PHYHIPL: variants seen among roughly 807,000 people sequenced by gnomAD.
PHYHIPL encodes phytanoyl-CoA 2-hydroxylase interacting protein like.
In PHYHIPL, 9 loss-of-function variants were observed where a neutral mutation model predicts 33.4. That is an observed-to-expected ratio of 0.27 (90% confidence interval 0.16 to 0.47). PHYHIPL has a LOEUF of 0.47. Among genes scored for constraint, PHYHIPL ranks in the 20% least tolerant of loss-of-function variants. PHYHIPL has a pLI of 0.99. For synonymous variants in PHYHIPL, 153 were observed against 154.1 expected, an observed-to-expected ratio of 0.99 and a Z score of 0.05; for missense variants, 365 against 460.7, an observed-to-expected ratio of 0.79 and a Z score of 1.90.
At chr10:59,238,514 T>C in intron 3 of PHYHIPL, 74 bp from the exon 4 acceptor site, 1 of 758,156 alleles carries the variant, frequency 1.3e-6, no homozygotes, top group Non-Finnish European at 2.2e-6. Flanking sequence ...TTTAATAATC[T>C]TCAATTTATT....
At chr10:59,178,622 A>G (rs1229442683) in intron 1 of PHYHIPL, among the ~76,000 whole-genome samples, 5 of 152,178 alleles carry the variant, frequency 3.3e-5, no homozygotes, top group Non-Finnish European at 2.9e-5. Flanking sequence ...CTTGTACTCA[A>G]TGGAATTAGG....
chr10:59,244,948 G>T (rs965701452), intron 4 of PHYHIPL, 109 bp from the exon 5 acceptor site: 58 of 1,082,518 alleles, frequency 5.4e-5, no homozygotes, highest in South Asian at 2.8e-4. Context: ...AGTAAGAGAG[G>T]TATTCAGGCC....
chr10:59,205,225 C>T (rs1839253037), intron 1 of PHYHIPL, among the ~76,000 whole-genome samples: 1 of 152,122 alleles, frequency 6.6e-6, no homozygotes, highest in African/African-American at 2.4e-5. Context: ...AAAATTATCC[C>T]AGTTCCTTGT....
chr10:59,238,042 G>A (rs1840280020), intron 3 of PHYHIPL, among the ~76,000 whole-genome samples: 2 of 151,920 alleles, frequency 1.3e-5, no homozygotes, highest in Admixed American at 6.6e-5. Flanking sequence ...AGGCCAAAAT[G>A]TTTCCCTAGT....
At chr10:59,190,813 C>T (rs572026792) in intron 1 of PHYHIPL, among the ~76,000 whole-genome samples, 16 of 151,876 alleles carry the variant, frequency 1.1e-4, no homozygotes, top group Middle Eastern at 3.4e-3. Flanking sequence ...GGACACCCAG[C>T]TAAGTTTGGT....
chr10:59,189,003 T>C (rs1589260939), intron 1 of PHYHIPL, among the ~76,000 whole-genome samples: 1 of 152,218 alleles, frequency 6.6e-6, no homozygotes, highest in Non-Finnish European at 1.5e-5. Context: ...ATTCTATCAA[T>C]AGATATGTTT....
upstream of PHYHIPL, among the ~76,000 whole-genome samples, chr10:59,175,403 G>C (rs184313803): frequency 9.9e-5 from 15 of 152,254 alleles, no homozygotes; most frequent in East Asian, 2.9e-3. Context: ...TCATGTTATA[G>C]CTAAATGGAT....
At chr10:59,187,325 T>C (rs769644617) in intron 1 of PHYHIPL, among the ~76,000 whole-genome samples, 1 of 152,252 alleles carries the variant, frequency 6.6e-6, no homozygotes, top group Non-Finnish European at 1.5e-5. Flanking sequence ...GACTTGATTA[T>C]GGTGGATGAG....
At chr10:59,244,354 C>G (rs1840549193) in intron 4 of PHYHIPL, among the ~76,000 whole-genome samples, 1 of 151,898 alleles carries the variant, frequency 6.6e-6, no homozygotes, top group Non-Finnish European at 1.5e-5. Context: ...ATCACAAGGT[C>G]AAGAGATCAA....
intron 1 of PHYHIPL, among the ~76,000 whole-genome samples, chr10:59,227,355 ACT>A (rs1426487741): frequency 6.6e-5 from 10 of 151,806 alleles, no homozygotes; most frequent in Non-Finnish European, 1.2e-4. Flanking sequence ...TTATAACGAC[ACT>A]CTTTCTCTGA....
chr10:59,183,732 A>T (rs1838479480), intron 1 of PHYHIPL: 2 of 956,060 alleles, frequency 2.1e-6, no homozygotes, highest in Non-Finnish European at 2.5e-6. Context: ...TTGTTATGTT[A>T]TGACTATTTG....
intron 1 of PHYHIPL, among the ~76,000 whole-genome samples, chr10:59,231,099 A>G (rs1299427641): frequency 1.0e-4 from 1 of 9,718 alleles, no homozygotes; most frequent in African/African-American, 1.8e-4. Context: ...CATTAGAAGA[A>G]AAAAACAATT....
chr10:59,217,611 A>C (rs2133251923), intron 1 of PHYHIPL, among the ~76,000 whole-genome samples: 1 of 151,870 alleles, frequency 6.6e-6, no homozygotes, highest in South Asian at 2.1e-4. Flanking sequence ...TTTTTGCATA[A>C]ATTTATTGTG....
intron 1 of PHYHIPL, among the ~76,000 whole-genome samples, chr10:59,184,371 G>A (rs1838505099): frequency 6.6e-6 from 1 of 152,178 alleles, no homozygotes; most frequent in African/African-American, 2.4e-5. Flanking sequence ...CCAACACCTA[G>A]TGCAGAAGAT....
intron 4 of PHYHIPL, 87 bp downstream of exon 4, chr10:59,238,792 G>A (rs148324373): frequency 1.1e-4 from 74 of 691,892 alleles, no homozygotes; most frequent in African/African-American, 2.9e-4. Flanking sequence ...TAGTTTTGTC[G>A]AATAGCAATT....
intron 1 of PHYHIPL, among the ~76,000 whole-genome samples, chr10:59,224,169 A>G (rs1402135765): frequency 1.3e-5 from 2 of 152,180 alleles, no homozygotes; most frequent in African/African-American, 2.4e-5. Flanking sequence ...ATGTTATGTT[A>G]TATGGATAAT....
chr10:59,246,124 CATA>C lies in PHYHIPL; in HGVS notation c.*538_*540del, dbSNP rs1443731424. The C allele has an allele frequency of 6.6e-6, 1 of 152,494 alleles. No individual in the cohort carries two copies. The highest frequency in any genetic ancestry group is 2.4e-5 in the African/African-American group (1 of 41,358). The allele number at this position is 152,494 out of a possible 1,614,324, so 9.4% of individuals were successfully genotyped here. ...ACAGGAAACAACTACTGTGTTTCAA[CATA>C]ATAAATATAATAGAAAAATATTTTA... On this transcript the variant is annotated 3_prime_UTR_variant, in exon 5 of 5. Coordinates refer to ENST00000373880, the MANE Select transcript of PHYHIPL (RefSeq NM_032439.4).
intron 1 of PHYHIPL, among the ~76,000 whole-genome samples, chr10:59,190,400 T>G (rs909780280): frequency 6.6e-6 from 1 of 151,856 alleles, no homozygotes; most frequent in African/African-American, 2.4e-5. Context: ...AATGTTTCAT[T>G]TGAGGGTAAG....
chr10:59,196,356 T>A (rs1838914558), intron 1 of PHYHIPL, among the ~76,000 whole-genome samples: 1 of 146,120 alleles, frequency 6.8e-6, no homozygotes, highest in South Asian at 2.1e-4. Context: ...AATATATTAG[T>A]ATATATATAT....
Sources: allele counts gnomAD v4.1 joint callset (sites outside exome capture counted in the v4.1 genomes callset), GRCh38; gene constraint gnomAD v4.1.1; transcripts MANE v1.5; gene names NCBI Gene and HGNC (gene_info 2026-07-23, HGNC 2026-07-21).